Variants in CTBP2 observed in about 807,000 individuals in gnomAD.
CTBP2 encodes C-terminal-binding protein 2.
In CTBP2, 30 loss-of-function variants were observed where a neutral mutation model predicts 80.3. That is an observed-to-expected ratio of 0.37 (90% CI 0.28 to 0.51). The LOEUF (loss-of-function observed/expected upper bound fraction) is 0.51. Among genes scored for constraint, CTBP2 ranks in the 20% least tolerant of loss-of-function variants. The pLI, the probability that CTBP2 is intolerant of heterozygous loss-of-function variation, is 0.93. For missense variants in CTBP2, 1,212 were observed against 1,375.3 expected (o/e 0.88, Z 1.88); for synonymous variants, 594 against 587.4 (o/e 1.01, Z -0.16).
rs141577757 is a variant in CTBP2, at chr10:125,130,442, G to A, written c.-205-19349C>T. Among the ~76,000 whole-genome samples the A allele has an allele frequency of 6.5e-3, 983 of 152,172 alleles. 11 individuals are homozygous for A. The highest frequency in any genetic ancestry group is 0.022 in the African/African-American group (920 of 41,518). ...CCCCAAGAGCAAAGTGATTACCACA[G>A]GTCCACTTGGAAACACGCTGCCAAA... is the stretch of plus-strand genomic sequence containing the variant. On this transcript the variant is annotated intron_variant, in intron 1 of 10. Coordinates refer to the CTBP2 transcript ENST00000337195.
chr10:125,038,175 TA>T (rs1268272390), intron 3 of CTBP2, among the ~76,000 whole-genome samples: 1 of 152,132 alleles, frequency 6.6e-6, no homozygotes, highest in African/African-American at 2.4e-5. Context: ...GACAATTCCA[TA>T]TGGGCAGCTG....
At chr10:125,057,258 G>C (rs1471219794) in intron 2 of CTBP2, among the ~76,000 whole-genome samples, 1 of 152,230 alleles carries the variant, frequency 6.6e-6, no homozygotes, top group Non-Finnish European at 1.5e-5. Flanking sequence ...ACATCTGTTG[G>C]TGTCAAAAGG....
chr10:125,007,313 ATGTGCTGT>A lies in CTBP2; in HGVS notation c.1679-3829_1679-3822del, dbSNP rs1955375582. Among the ~76,000 whole-genome samples the A allele has an allele frequency of 2.0e-5, 3 of 152,250 alleles. No individual in the cohort carries two copies. The South Asian group carries it at 6.2e-4, about 32-fold the overall frequency. Reference sequence around the variant, plus strand: ...GGACGGCCCTGCCCCTCCGTCCGGGATGTGCTGTGCACCAGCTCAAGGCAGTGCTGACG... The same window carrying A: ...GGACGGCCCTGCCCCTCCGTCCGGGAGCACCAGCTCAAGGCAGTGCTGACG... On this transcript the variant is annotated intron_variant, in intron 1 of 8. Transcript: ENST00000309035.
intron 1 of CTBP2, among the ~76,000 whole-genome samples, chr10:125,013,795 G>A (rs55876002): frequency 0.023 from 3,544 of 152,240 alleles, 137 homozygotes; most frequent in African/African-American, 0.081. Context: ...AGGGTCCACC[G>A]CAGTGCAAAC....
At chr10:125,005,950 C>T in intron 1 of CTBP2, 3 of 1,493,422 alleles carry the variant, frequency 2.0e-6, no homozygotes, top group Non-Finnish European at 2.6e-6. Context: ...GAAAACCACG[C>T]TGGGCGCAAG....
chr10:124,993,810 G>C lies in CTBP2; in HGVS notation c.2531+45C>G, dbSNP rs370127684. On this transcript the variant is annotated intron_variant, in intron 6 of 8. Coordinates refer to ENST00000309035, the MANE Select transcript of CTBP2 (RefSeq NM_022802.3). ...TCAAAGTGTGGGGGTCAGGTGTGGA[G>C]CTGGGCCCTGTGGGCTCCTGGTAGG... The C allele has an allele frequency of 1.4e-5, 22 of 1,590,226 alleles. No individual in the cohort carries two copies. The African/African-American group carries it at 2.8e-4, about 20-fold the overall frequency.
At position 124,987,931 on chromosome 10, in the gene CTBP2, C is replaced by CT. The variant is rs1952104185; in HGVS notation, c.*1586dup. ...TTAACTCATGGGACTATTTGCAACA[C>CT]TTCTTTGTAAATATCATTTTGTTTG... On this transcript the variant is annotated 3_prime_UTR_variant, in exon 9 of 9. Coordinates refer to ENST00000309035, the MANE Select transcript of CTBP2 (RefSeq NM_022802.3). 1 of 152,164 alleles carries CT rather than the reference C, an allele frequency of 6.6e-6. No homozygotes were observed. The highest frequency in any genetic ancestry group is 2.1e-4 in the South Asian group (1 of 4,836). 9.4% of individuals were successfully genotyped at this position (152,164 alleles called of 1,614,324 possible). A position where few individuals can be genotyped will look rare whatever the true frequency, so the allele number is the denominator to read the frequency against.
chr10:125,030,619 T>C (rs1958074555), upstream of CTBP2, among the ~76,000 whole-genome samples: 1 of 152,236 alleles, frequency 6.6e-6, no homozygotes, highest in South Asian at 2.1e-4. Flanking sequence ...AACATGACTC[T>C]GGGGTCTAAT....
At chr10:124,990,155 C>T (rs1239605516) in intron 8 of CTBP2, among the ~76,000 whole-genome samples, 1 of 151,952 alleles carries the variant, frequency 6.6e-6, no homozygotes, top group Non-Finnish European at 1.5e-5. Flanking sequence ...AGTGATTCTC[C>T]TGCCTCAGCC....
intron 2 of CTBP2, among the ~76,000 whole-genome samples, chr10:125,090,732 C>T (rs61476767): frequency 2.7e-5 from 4 of 150,726 alleles, no homozygotes; most frequent in East Asian, 1.9e-4. Context: ...TCACCCTGGA[C>T]GACAGAGCAA....
chr10:125,134,956 C>T (rs1004271644), intron 1 of CTBP2, among the ~76,000 whole-genome samples: 1 of 149,968 alleles, frequency 6.7e-6, no homozygotes, highest in African/African-American at 2.4e-5. Context: ...CTAGAACCCA[C>T]GTTCATCCCA....
chr10:125,113,757 A>G (rs1852699928), intron 1 of CTBP2, among the ~76,000 whole-genome samples: 1 of 152,214 alleles, frequency 6.6e-6, no homozygotes. Context: ...GAGATATTTC[A>G]TAGTAAAATT....
chr10:125,020,591 C>T (rs1032668923), intron 1 of CTBP2, among the ~76,000 whole-genome samples: 20 of 152,160 alleles, frequency 1.3e-4, no homozygotes, highest in Middle Eastern at 3.2e-3. Context: ...CATGAAAACA[C>T]GGGTCAATCC....
intron 2 of CTBP2, among the ~76,000 whole-genome samples, chr10:125,055,766 G>T (rs773819715): frequency 6.6e-6 from 1 of 152,246 alleles, no homozygotes; most frequent in Non-Finnish European, 1.5e-5. Flanking sequence ...GAGGCAGGTA[G>T]ACACATACCC....
At chr10:125,087,789 T>C (rs1564888700) in intron 2 of CTBP2, among the ~76,000 whole-genome samples, 1 of 152,294 alleles carries the variant, frequency 6.6e-6, no homozygotes, top group East Asian at 1.9e-4. Context: ...GCTCACAGCA[T>C]GTACATGCTC....
intron 2 of CTBP2, among the ~76,000 whole-genome samples, chr10:125,071,992 G>T (rs376475032): frequency 6.6e-6 from 1 of 152,198 alleles, no homozygotes; most frequent in East Asian, 1.9e-4. Flanking sequence ...AGGGTGGCCA[G>T]TCTGGGCCCT....
At chr10:125,049,429 C>CG (rs1196662624) in intron 2 of CTBP2, among the ~76,000 whole-genome samples, 1 of 152,148 alleles carries the variant, frequency 6.6e-6, no homozygotes, top group Non-Finnish European at 1.5e-5. Flanking sequence ...GGAGCCCCCA[C>CG]CTGAGCTCCG....
intron 1 of CTBP2, among the ~76,000 whole-genome samples, chr10:125,148,646 A>C (rs767731839): frequency 6.6e-6 from 1 of 152,196 alleles, no homozygotes; most frequent in East Asian, 1.9e-4. Context: ...CTCTACGGAC[A>C]TGAGAGCCTC....
intron 2 of CTBP2, among the ~76,000 whole-genome samples, chr10:125,086,649 T>C (rs1455104147): frequency 1.3e-5 from 2 of 150,344 alleles, no homozygotes; most frequent in Non-Finnish European, 3.0e-5. Flanking sequence ...AAGATCTCAT[T>C]TGACCCTTCC....
Sources: gnomAD v4.1 joint callset for allele counts (sites outside exome capture counted in the v4.1 genomes callset) on GRCh38, gnomAD v4.1.1 for gene constraint, MANE v1.5 for transcripts, NCBI Gene and HGNC (gene_info 2026-07-23, HGNC 2026-07-21) for gene names.